ZNF680: variants seen among roughly 807,000 people sequenced by gnomAD.
ZNF680 encodes the protein zinc finger protein 680, also known as hypothetical protein FLJ90430.
ZNF680 carries 6 observed loss-of-function variants against 12.1 expected under a neutral mutation model. The ratio of observed to expected loss-of-function variants is 0.49; its 90% confidence interval spans 0.27 to 0.98. ZNF680 has a LOEUF of 0.98. Among genes scored for constraint, ZNF680 ranks in the 50% least tolerant of loss-of-function variants. ZNF680 has a pLI of 0.12. For missense variants in ZNF680, 561 were observed against 616.3 expected (o/e 0.91, Z 0.95); for synonymous variants, 170 against 199.3 (o/e 0.85, Z 1.24).
rs1264554121 is a variant in ZNF680, at chr7:64,522,347, T to C, written c.407A>G (p.Lys136Arg). The change falls in exon 4 of 4, where the codon AAA becomes AGA. Residue 136 changes from lysine to arginine, a missense_variant. Coordinates refer to ENST00000309683, the MANE Select transcript of ZNF680 (RefSeq NM_178558.5). The stretch of plus-strand genomic sequence containing the variant: ...TTGGTTAAGTTCATTATAACCTTCT[T>C]TGAACACCTTAGACTCATCCACACT... ...CKSVDESKVF[K>R]EGYNELNQCL... is the part of the protein sequence containing the mutation. 20 of 1,613,094 alleles carry C rather than the reference T, an allele frequency of 1.2e-5. No homozygotes were observed. The highest frequency in any genetic ancestry group is 1.5e-5 in the Non-Finnish European group (18 of 1,179,480).
chr7:64,544,554 C>G, intron 1 of ZNF680, 122 bp from the exon 2 acceptor site: 1 of 1,441,618 alleles, frequency 6.9e-7, no homozygotes, highest in South Asian at 1.4e-5. Flanking sequence ...CTGATTCTGA[C>G]TTACAGGAGT....
At chr7:64,502,939 G>A in the ZNF680 span, among the ~76,000 whole-genome samples, 3 of 152,104 alleles carry the variant, frequency 2.0e-5, no homozygotes, top group Admixed American at 6.6e-5. Flanking sequence ...TCCCAGGCTG[G>A]AGTGCAGTGG....
At chr7:64,527,266 C>G (rs1473803103) in intron 3 of ZNF680, among the ~76,000 whole-genome samples, 1 of 151,824 alleles carries the variant, frequency 6.6e-6, no homozygotes, top group Non-Finnish European at 1.5e-5. Flanking sequence ...AATAAACAAA[C>G]AAAAATAAGC....
At chr7:64,511,344 T>C in the ZNF680 span, among the ~76,000 whole-genome samples, 1 of 152,166 alleles carries the variant, frequency 6.6e-6, no homozygotes, top group Non-Finnish European at 1.5e-5. Context: ...ATGGGAAGAC[T>C]GAGGGCTGAT....
intron 1 of ZNF680, among the ~76,000 whole-genome samples, chr7:64,562,088 C>T (rs1192655189): frequency 2.0e-5 from 3 of 151,126 alleles, no homozygotes; most frequent in African/African-American, 4.9e-5. Flanking sequence ...AAAAATTAGC[C>T]GGGCATGGTG....
chr7:64,521,320 A>G lies in ZNF680; in HGVS notation c.1434T>C (p.Ala478=). ...GNVFNWPATL[A]NHKRIHAREK... ...CTCTAGCATGAATTCTCTTATGATT[A>G]GCAAGAGTTGCAGGCCAGTTAAAAA... The change falls in exon 4 of 4, where the codon GCT becomes GCC. Residue 478 remains alanine (A), a synonymous_variant. Coordinates refer to ENST00000309683, the MANE Select transcript of ZNF680 (RefSeq NM_178558.5). 1 of 1,613,642 alleles carries G rather than the reference A, an allele frequency of 6.2e-7. No individual in the cohort carries two copies. The highest frequency in any genetic ancestry group is 8.5e-7 in the Non-Finnish European group (1 of 1,179,688).
Position 64,543,899 on chromosome 7 carries a change from A to G in ZNF680, c.158-97T>C. On this transcript the variant is annotated intron_variant, in intron 2 of 3. Transcript: ENST00000309683. ...TAAAGAGAATGTCATAGCATATTCTAGTAAATTAATCCCAAATTACTAATT... is the reference window on the plus strand; with the variant it reads ...TAAAGAGAATGTCATAGCATATTCTGGTAAATTAATCCCAAATTACTAATT... The G allele has an allele frequency of 3.0e-6, 3 of 1,009,662 alleles. No individual in the cohort carries two copies. In the South Asian group the frequency reaches 4.5e-5, roughly 15 times the overall value. The allele number at this position is 1,009,662 out of a possible 1,614,324, so 62.5% of individuals were successfully genotyped here.
chr7:64,505,773 CT>C, the ZNF680 span, among the ~76,000 whole-genome samples: 43 of 146,820 alleles, frequency 2.9e-4, no homozygotes, highest in East Asian at 1.4e-3. Flanking sequence ...AATTAGACTC[CT>C]TTTTTTTTTT....
At chr7:64,501,160 C>T in the ZNF680 span, 1 of 883,230 alleles carries the variant, frequency 1.1e-6, no homozygotes, top group South Asian at 1.4e-5. Flanking sequence ...ACACCCTTCT[C>T]CATCGCCTCT....
intron 1 of ZNF680, among the ~76,000 whole-genome samples, chr7:64,552,298 C>T (rs1187413920): frequency 6.6e-6 from 1 of 152,158 alleles, no homozygotes; most frequent in Non-Finnish European, 1.5e-5. Context: ...AGTGATCCAC[C>T]CGCGTTGGCC....
At chr7:64,517,688 C>T (rs1006385857), downstream of ZNF680, among the ~76,000 whole-genome samples, 1 of 151,584 alleles carries the variant, frequency 6.6e-6, no homozygotes, top group South Asian at 2.1e-4. Flanking sequence ...AGGCTAAAAT[C>T]CTTTAAAAAA....
At chr7:64,518,145 G>GAGTGCTCTGGCTAGGAC, downstream of ZNF680, among the ~76,000 whole-genome samples, 1 of 151,924 alleles carries the variant, frequency 6.6e-6, no homozygotes, top group Non-Finnish European at 1.5e-5. Context: ...GTCACTATTT[G>GAGTGCTCTGGCTAGGAC]TTGATGATAT....
At position 64,521,070 on chromosome 7, in the gene ZNF680, G is replaced by C. The variant is rs1791500849; in HGVS notation, c.*91C>G. 2 of 1,332,326 alleles carry C rather than the reference G, an allele frequency of 1.5e-6. No homozygotes were observed. The highest frequency in any genetic ancestry group is 1.0e-6 in the Non-Finnish European group (1 of 973,582). 82.5% of individuals were successfully genotyped at this position (1,332,326 alleles called of 1,614,324 possible). ...CCAATATAAATTATCTTACCTACAA[G>C]CAAGTGTAACAATCATTGGAAGGCT... On this transcript the variant is annotated 3_prime_UTR_variant, in exon 4 of 4. Coordinates refer to ENST00000309683, the MANE Select transcript of ZNF680 (RefSeq NM_178558.5).
intron 1 of ZNF680, among the ~76,000 whole-genome samples, chr7:64,546,077 T>A (rs182359438): frequency 6.6e-6 from 1 of 152,334 alleles, no homozygotes. Flanking sequence ...AATGAATTTT[T>A]AAAGTAATTG....
At chr7:64,547,546 C>A (rs1404492093) in intron 1 of ZNF680, among the ~76,000 whole-genome samples, 1 of 152,176 alleles carries the variant, frequency 6.6e-6, no homozygotes, top group Non-Finnish European at 1.5e-5. Context: ...CCTCATAACA[C>A]CCTGGGAGTT....
rs375148729 is a variant in ZNF680, at chr7:64,521,933, G to C, written c.821C>G (p.Ala274Gly). ...KPFKCEECGK[A>G]FSLFSILSKH... ...ACTAAGGATTGAGAATAAACTAAAG[G>C]CTTTGCCACATTCTTCACATTTGAA... is the stretch of plus-strand genomic sequence containing the variant. Residue 274 changes from alanine (A) to glycine (G), a missense_variant, in exon 4 of 4, where the codon GCC becomes GGC. By Grantham distance (60) the Ala-to-Gly change is moderately conservative. Coordinates refer to ENST00000309683, the MANE Select transcript of ZNF680 (RefSeq NM_178558.5). 114 of 1,612,202 alleles carry C rather than the reference G, an allele frequency of 7.1e-5. No homozygotes were observed. Among genetic ancestry groups the C allele is most frequent in the Middle Eastern group, 1.6e-4 (1 of 6,066 alleles).
downstream of ZNF680, among the ~76,000 whole-genome samples, chr7:64,517,697 A>C (rs1791383122): frequency 6.6e-6 from 1 of 152,118 alleles, no homozygotes; most frequent in Non-Finnish European, 1.5e-5. Context: ...TCCTTTAAAA[A>C]AAAAAATCTA....
At chr7:64,524,769 T>C (rs1201612221) in intron 3 of ZNF680, 2 of 152,140 alleles carry the variant, frequency 1.3e-5, no homozygotes, top group Admixed American at 6.6e-5. Context: ...ATAGAAAACC[T>C]GGTAAACCAA....
chr7:64,511,163 G>T, the ZNF680 span, among the ~76,000 whole-genome samples: 1 of 151,750 alleles, frequency 6.6e-6, no homozygotes, highest in Non-Finnish European at 1.5e-5. Flanking sequence ...CCAGCTACTT[G>T]GGAGGCTAAG....
Sources: gnomAD v4.1 joint callset for allele counts (sites outside exome capture counted in the v4.1 genomes callset) on GRCh38, gnomAD v4.1.1 for gene constraint, MANE v1.5 for transcripts, NCBI Gene and HGNC (gene_info 2026-07-23, HGNC 2026-07-21) for gene names.